The following PRH1 variants were observed in gnomAD, a reference collection of about 807,000 sequenced individuals.
PRH1 encodes the protein proline rich protein HaeIII subfamily 1.
In PRH1, 7 loss-of-function variants were observed where a neutral mutation model predicts 7.9. The observed-to-expected ratio is 0.89, with a 90% confidence interval of 0.50 to 1.67. The LOEUF is 1.67. PRH1 is among the 40% of genes most tolerant of loss of function. The pLI, the probability that PRH1 is intolerant of heterozygous loss-of-function variation, is 0.00. For missense variants in PRH1, 109 were observed against 223.6 expected, an observed-to-expected ratio of 0.49 and a Z score of 3.27; for synonymous variants, 45 against 80.8, an observed-to-expected ratio of 0.56 and a Z score of 2.38.
At chr12:10,997,334 A>G (rs1940321767) in intron 1 of PRH1, 1 of 1,614,110 alleles carries the variant, frequency 6.2e-7, no homozygotes, top group Non-Finnish European at 8.5e-7. Flanking sequence ...GTTTGCTAGC[A>G]TGGCTACAGT....
chr12:10,932,131 T>C (rs943307464), intron 2 of PRH1: 2 of 346,470 alleles, frequency 5.8e-6, no homozygotes, highest in Non-Finnish European at 1.3e-5. Context: ...GGCAAAAGGA[T>C]GGTTTTGCAT....
At chr12:11,017,531 C>T (rs1941353674) in intron 1 of PRH1, among the ~76,000 whole-genome samples, 1 of 152,084 alleles carries the variant, frequency 6.6e-6, no homozygotes, top group Admixed American at 6.6e-5. Flanking sequence ...GTTGCCCAGG[C>T]CGGAATGCAG....
chr12:10,926,857 T>C (rs1950130571), intron 2 of PRH1, among the ~76,000 whole-genome samples: 1 of 152,222 alleles, frequency 6.6e-6, no homozygotes. Context: ...ATTTCATATG[T>C]TGAAGACTGA....
chr12:11,149,029 C>T (rs1011029411), intron 1 of PRH1, among the ~76,000 whole-genome samples: 1 of 151,066 alleles, frequency 6.6e-6, no homozygotes, highest in African/African-American at 2.4e-5. Flanking sequence ...GTGTATGTGT[C>T]AAGGAATTTA....
At chr12:11,046,531 A>C (rs1474668552) in intron 1 of PRH1, among the ~76,000 whole-genome samples, 5 of 152,200 alleles carry the variant, frequency 3.3e-5, no homozygotes, top group African/African-American at 1.2e-4. Flanking sequence ...CTGACGTTTT[A>C]GTCCTCTGCC....
Position 11,133,818 on chromosome 12 carries a change from G to A in PRH1, n.40-12638C>T, listed in dbSNP as rs937302767. The A allele has an allele frequency of 1.9e-6, 3 of 1,614,074 alleles. No individual in the cohort carries two copies. In the African/African-American group the frequency reaches 4.0e-5, roughly 22 times the overall value. On this transcript the variant is annotated intron_variant and non_coding_transcript_variant, in intron 1 of 1. Transcript: ENST00000541175. The stretch of plus-strand genomic sequence containing the variant: ...TCATCCATGTTTATCACAAAAAGAT[G>A]ACAAACCAAAAATAGCAAAGGCCCC...
chr12:11,037,576 A>G (rs1363685807), intron 1 of PRH1, among the ~76,000 whole-genome samples: 1 of 152,254 alleles, frequency 6.6e-6, no homozygotes, highest in Non-Finnish European at 1.5e-5. Flanking sequence ...AATTTATTGG[A>G]AATTCATGAA....
chr12:11,048,082 G>A (rs749895653), upstream of PRH1, among the ~76,000 whole-genome samples: 7 of 151,692 alleles, frequency 4.6e-5, no homozygotes, highest in African/African-American at 7.3e-5. Context: ...AAATATACTC[G>A]GCTTCATAAT....
At chr12:10,989,769 A>T (rs1272901972) in intron 1 of PRH1, among the ~76,000 whole-genome samples, 11 of 152,168 alleles carry the variant, frequency 7.2e-5, no homozygotes, top group Non-Finnish European at 4.4e-5. Context: ...TATTTGTTAA[A>T]GTCCGCTATG....
intron 1 of PRH1, among the ~76,000 whole-genome samples, chr12:11,125,527 C>A (rs76571455): frequency 6.6e-6 from 1 of 151,956 alleles, no homozygotes; most frequent in Admixed American, 6.6e-5. Flanking sequence ...TATGCCTTAA[C>A]AAAATTATCT....
At chr12:10,949,719 A>G (rs1334668461) in intron 2 of PRH1, among the ~76,000 whole-genome samples, 1 of 152,132 alleles carries the variant, frequency 6.6e-6, no homozygotes, top group African/African-American at 2.4e-5. Flanking sequence ...CAAAACTTAA[A>G]TACACAGTTA....
chr12:11,134,769 A>C (rs1946497517), intron 1 of PRH1: 1 of 154,306 alleles, frequency 6.5e-6, no homozygotes, highest in Admixed American at 6.4e-5. Context: ...TGCCAGATTT[A>C]AATACACAGA....
intron 1 of PRH1, among the ~76,000 whole-genome samples, chr12:10,990,568 A>G (rs1048659190): frequency 6.6e-6 from 1 of 152,170 alleles, no homozygotes. Flanking sequence ...CCTTACTCTA[A>G]TGAGATGAGA....
chr12:11,098,258 T>G (rs1263135153), intron 1 of PRH1, among the ~76,000 whole-genome samples: 1 of 150,644 alleles, frequency 6.6e-6, no homozygotes, highest in Non-Finnish European at 1.5e-5. Context: ...TGCACCTAAT[T>G]TGTAAATCTG....
chr12:10,925,604 G>A (rs1950112741), intron 2 of PRH1, among the ~76,000 whole-genome samples: 1 of 152,190 alleles, frequency 6.6e-6, no homozygotes, highest in Admixed American at 6.5e-5. Flanking sequence ...TGAAGGCAAG[G>A]AGGAAAACAG....
rs557003273 is a variant in PRH1, at chr12:11,125,780, GA to G, written n.40-4601del. On this transcript the variant is annotated intron_variant and non_coding_transcript_variant, in intron 1 of 1. Coordinates refer to the PRH1 transcript ENST00000541175. Reference sequence around the variant, plus strand: ...TCATAAATATCTAAATTGGAAATAAGAAAAAAAGGTGTCTAGCAAAATACAG... The same window carrying G: ...TCATAAATATCTAAATTGGAAATAAGAAAAAAGGTGTCTAGCAAAATACAG... Among the ~76,000 whole-genome samples the G allele has an allele frequency of 2.7e-4, 40 of 149,824 alleles. No homozygotes were observed. The East Asian group carries it at 5.2e-3, about 20-fold the overall frequency.
At chr12:11,072,719 G>C (rs1173473959) in intron 1 of PRH1, among the ~76,000 whole-genome samples, 1 of 150,612 alleles carries the variant, frequency 6.6e-6, no homozygotes, top group African/African-American at 2.4e-5. Flanking sequence ...TCTAGGATGT[G>C]GTATCTTCCC....
At chr12:11,120,946 G>C (rs1324854440) in exon 2 of PRH1, 2 of 154,790 alleles carry the variant, frequency 1.3e-5, no homozygotes, top group Admixed American at 6.6e-5. Flanking sequence ...AATTGGAAAA[G>C]GGAGCACATT....
chr12:11,133,237 C>A (rs1205528255), intron 1 of PRH1: 1 of 1,541,862 alleles, frequency 6.5e-7, no homozygotes, highest in Admixed American at 2.2e-5. Flanking sequence ...TTACAGAAAA[C>A]CCAGTAAGAA....
Sources: gnomAD v4.1 joint callset for allele counts (sites outside exome capture counted in the v4.1 genomes callset) on GRCh38, gnomAD v4.1.1 for gene constraint, MANE v1.5 for transcripts, NCBI Gene and HGNC (gene_info 2026-07-23, HGNC 2026-07-21) for gene names.